CPVL: variants seen among roughly 807,000 people sequenced by gnomAD.
CPVL encodes probable serine carboxypeptidase CPVL.
Under a neutral mutation model 63.7 loss-of-function variants are expected in CPVL, and 51 were observed. That is an observed-to-expected ratio of 0.80 (90% CI 0.64 to 1.01). The LOEUF (loss-of-function observed/expected upper bound fraction) is 1.01. Among genes scored for constraint, CPVL ranks in the 50% least tolerant of loss-of-function variants. The pLI, the probability that CPVL is intolerant of heterozygous loss-of-function variation, is 0.00. For synonymous variants in CPVL, 195 were observed against 206.0 expected (o/e 0.95, Z 0.46); for missense variants, 530 against 573.1 (o/e 0.92, Z 0.77).
chr7:29,093,949 T>C (rs902703829), intron 5 of CPVL, among the ~76,000 whole-genome samples: 20 of 152,218 alleles, frequency 1.3e-4, no homozygotes, highest in Non-Finnish European at 2.8e-4. Context: ...GACCCTAAGT[T>C]TCTCTCCTAT....
chr7:29,122,737 G>A (rs186104536), intron 1 of CPVL: 174 of 144,928 alleles, frequency 1.2e-3, no homozygotes, highest in African/African-American at 4.0e-3. Context: ...ACAGATGCAG[G>A]GTCAGATCTC....
chr7:29,030,310 T>G (rs1389896360), intron 12 of CPVL, among the ~76,000 whole-genome samples: 1 of 152,242 alleles, frequency 6.6e-6, no homozygotes, highest in Non-Finnish European at 1.5e-5. Flanking sequence ...ATTAATGATT[T>G]GCCTCTTTGG....
chr7:29,172,676 A>G (rs1320583068), intron 5 of CPVL, among the ~76,000 whole-genome samples: 3 of 152,228 alleles, frequency 2.0e-5, no homozygotes, highest in East Asian at 1.9e-4. Flanking sequence ...TTTCATATTA[A>G]CCATTGCTTT....
At chr7:29,001,799 C>G (rs1420333896) in intron 12 of CPVL, among the ~76,000 whole-genome samples, 2 of 152,192 alleles carry the variant, frequency 1.3e-5, no homozygotes, top group Non-Finnish European at 2.9e-5. Context: ...TTTTGGTGCT[C>G]CTTTACAACA....
chr7:29,123,612 AAAAAAAAAAAAAAAAAATATATATAT>A (rs1222974360), intron 1 of CPVL, among the ~76,000 whole-genome samples: 8 of 94,630 alleles, frequency 8.5e-5, no homozygotes, highest in African/African-American at 3.6e-4. Context: ...AAAAAAAAAA[AAAAAAAAAAAAAAAAAATATATATAT>A]ATATATATAT....
chr7:29,144,420 G>A (rs1207312120), intron 1 of CPVL, among the ~76,000 whole-genome samples: 1 of 152,094 alleles, frequency 6.6e-6, no homozygotes, highest in African/African-American at 2.4e-5. Flanking sequence ...AATTAGCCGG[G>A]CATGGTGGTG....
At chr7:29,061,428 A>T (rs1393348808) in intron 11 of CPVL, among the ~76,000 whole-genome samples, 1 of 152,172 alleles carries the variant, frequency 6.6e-6, no homozygotes, top group East Asian at 1.9e-4. Flanking sequence ...AGAAAAGAAA[A>T]GTTTAGAAAA....
chr7:29,153,547 G>A lies in CPVL; in HGVS notation c.-11+27743C>T, dbSNP rs541829258. Among the ~76,000 whole-genome samples, 3 of 152,224 alleles carry A rather than the reference G, an allele frequency of 2.0e-5. No homozygotes were observed. The East Asian group carries it at 5.8e-4, about 29-fold the overall frequency. On this transcript the variant is annotated intron_variant, in intron 5 of 16. Transcript: ENST00000409850. ...GTGATCCAATTCCACTTAATGAACA[G>A]TAAATACATTTTCTCTCCCTTATAA...
intron 12 of CPVL, among the ~76,000 whole-genome samples, chr7:29,018,059 A>G (rs1786591105): frequency 6.6e-6 from 1 of 152,252 alleles, no homozygotes; most frequent in Non-Finnish European, 1.5e-5. Context: ...TTGACAGTGA[A>G]AACATAAAAT....
At chr7:29,188,035 T>C (rs980985222) in intron 1 of CPVL, among the ~76,000 whole-genome samples, 5 of 152,196 alleles carry the variant, frequency 3.3e-5, no homozygotes, top group Non-Finnish European at 7.3e-5. Context: ...TGTCTTAATA[T>C]ACTCGCATAG....
At chr7:29,074,271 C>A (rs1349957983) in intron 7 of CPVL, among the ~76,000 whole-genome samples, 1 of 152,142 alleles carries the variant, frequency 6.6e-6, no homozygotes, top group Non-Finnish European at 1.5e-5. Context: ...AGTATTGAAT[C>A]AAAGCAATTT....
At chr7:29,054,089 A>ATT (rs1263485472) in intron 11 of CPVL, among the ~76,000 whole-genome samples, 1 of 152,012 alleles carries the variant, frequency 6.6e-6, no homozygotes, top group African/African-American at 2.4e-5. Flanking sequence ...AACAAAACAA[A>ATT]ACAAACAAAA....
intron 11 of CPVL, among the ~76,000 whole-genome samples, chr7:29,043,373 T>C (rs317764): frequency 0.073 from 11,120 of 152,166 alleles, 459 homozygotes; most frequent in South Asian, 0.12. Flanking sequence ...CCCCATTACC[T>C]TGCAATTAGG....
intron 11 of CPVL, among the ~76,000 whole-genome samples, chr7:29,046,468 T>C (rs1789623821): frequency 6.6e-6 from 1 of 152,078 alleles, no homozygotes; most frequent in Admixed American, 6.6e-5. Flanking sequence ...AGAATTGGCA[T>C]TTGCAGATGG....
intron 1 of CPVL, among the ~76,000 whole-genome samples, chr7:29,138,307 G>A (rs1258799904): frequency 6.6e-6 from 1 of 152,160 alleles, no homozygotes; most frequent in Non-Finnish European, 1.5e-5. Flanking sequence ...AGGCTTGGTG[G>A]TATGTGCCTG....
intron 7 of CPVL, among the ~76,000 whole-genome samples, chr7:29,078,659 CT>C (rs143430284): frequency 0.11 from 16,030 of 152,184 alleles, 1,059 homozygotes; most frequent in Middle Eastern, 0.15. Flanking sequence ...TCTATGCTGC[CT>C]GCTCCAGCAT....
intron 5 of CPVL, among the ~76,000 whole-genome samples, chr7:29,094,078 T>C (rs961246611): frequency 6.6e-6 from 1 of 152,196 alleles, no homozygotes; most frequent in Admixed American, 6.5e-5. Flanking sequence ...CAGTAGCTCA[T>C]GCCTATAATC....
chr7:29,020,212 CA>C (rs1562726091), intron 12 of CPVL, among the ~76,000 whole-genome samples: 1 of 152,128 alleles, frequency 6.6e-6, no homozygotes, highest in Non-Finnish European at 1.5e-5. Flanking sequence ...TATAAAATAA[CA>C]GGTGGTGGAG....
chr7:29,110,538 A>T (rs890638561), intron 3 of CPVL, among the ~76,000 whole-genome samples: 1 of 152,200 alleles, frequency 6.6e-6, no homozygotes, highest in Non-Finnish European at 1.5e-5. Context: ...GCCAATTTAC[A>T]AGTCAGAATC....
Sources: allele counts gnomAD v4.1 joint callset (sites outside exome capture counted in the v4.1 genomes callset), GRCh38; gene constraint gnomAD v4.1.1; transcripts MANE v1.5; gene names NCBI Gene and HGNC (gene_info 2026-07-23, HGNC 2026-07-21).